The following PHC3 variants were observed in gnomAD, a reference collection of about 807,000 sequenced individuals.
PHC3 encodes polyhomeotic-like protein 3.
A neutral mutation model predicts 107.4 loss-of-function variants in PHC3; 13 were observed. The observed-to-expected ratio is 0.12, with a 90% confidence interval of 0.08 to 0.19. The LOEUF is 0.19. Ranked by LOEUF, PHC3 falls within the 10% of genes least tolerant of loss-of-function variation. The probability of loss-of-function intolerance (pLI) is 1.00; values close to 1 mark genes in which losing one functional copy is unlikely to be tolerated. For missense variants in PHC3, 992 were observed against 1,210.9 expected, an observed-to-expected ratio of 0.82 and a Z score of 2.68; for synonymous variants, 456 against 427.4, an observed-to-expected ratio of 1.07 and a Z score of -0.83.
chr3:170,162,945 T>G (rs1267531769), intron 4 of PHC3, among the ~76,000 whole-genome samples: 2 of 152,132 alleles, frequency 1.3e-5, no homozygotes, highest in African/African-American at 4.8e-5. Flanking sequence ...TCCCTGACCA[T>G]CCTAATTAAA....
At chr3:170,119,835 A>G (rs1719866061) in intron 9 of PHC3, among the ~76,000 whole-genome samples, 1 of 152,068 alleles carries the variant, frequency 6.6e-6, no homozygotes, top group Non-Finnish European at 1.5e-5. Context: ...TACTGTAAAA[A>G]AAAAAAAAAT....
intron 2 of PHC3, among the ~76,000 whole-genome samples, chr3:170,175,747 G>A (rs1273601): frequency 0.91 from 138,744 of 151,844 alleles, 63,421 homozygotes; most frequent in South Asian, 0.95. Flanking sequence ...ACATGGTGAA[G>A]CCCCATCTCT....
Position 170,095,776 on chromosome 3 carries a change from C to A in PHC3, c.*1454G>T, listed in dbSNP as rs1714572488. 6.6e-6 allele frequency: 1 copy of A among 152,140 alleles called. No homozygotes were observed. Among genetic ancestry groups the A allele is most frequent in the Non-Finnish European group, 1.5e-5 (1 of 68,020 alleles). 9.4% of individuals were successfully genotyped at this position (152,140 alleles called of 1,614,324 possible). The stretch of plus-strand genomic sequence containing the variant: ...ATAAAGCTTTCAGGGCTTCCACAAA[C>A]AATTTTGTTTTAGTGTCATAATTCT... On this transcript the variant is annotated 3_prime_UTR_variant, in exon 15 of 15. Coordinates refer to ENST00000495893, the MANE Select transcript of PHC3 (RefSeq NM_024947.4).
intron 4 of PHC3, among the ~76,000 whole-genome samples, chr3:170,150,918 AAAT>A (rs1406720153): frequency 6.6e-6 from 1 of 151,888 alleles, no homozygotes; most frequent in Non-Finnish European, 1.5e-5. Context: ...TTTTAAAAAT[AAAT>A]AATATTTTTG....
intron 8 of PHC3, among the ~76,000 whole-genome samples, chr3:170,128,131 T>A (rs1281035475): frequency 6.6e-6 from 1 of 152,138 alleles, no homozygotes; most frequent in African/African-American, 2.4e-5. Context: ...CTGGACTCTC[T>A]CCTAGAATAA....
At chr3:170,161,761 C>A (rs541507046) in intron 4 of PHC3, among the ~76,000 whole-genome samples, 1 of 152,320 alleles carries the variant, frequency 6.6e-6, no homozygotes, top group South Asian at 2.1e-4. Flanking sequence ...CTGGTGTGGG[C>A]TCTCCTCCTG....
chr3:170,156,485 G>A (rs1726921604), intron 4 of PHC3, among the ~76,000 whole-genome samples: 1 of 151,968 alleles, frequency 6.6e-6, no homozygotes, highest in Non-Finnish European at 1.5e-5. Flanking sequence ...CTCCTGACCT[G>A]AAGTGATCTA....
rs559864795 is a variant in PHC3, at chr3:170,153,379, T to C, written c.415-4135A>G. Among the ~76,000 whole-genome samples, 11 of 152,316 alleles carry C rather than the reference T, an allele frequency of 7.2e-5. 1 individual carries two copies. The highest frequency in any genetic ancestry group is 6.2e-4 in the South Asian group (3 of 4,830). ...GTCATTTCTGGCTTGATTACTTTAA[T>C]ATCTGCAAACTGATACCTCTTACTG... On this transcript the variant is annotated intron_variant, in intron 4 of 14. Coordinates refer to ENST00000495893, the MANE Select transcript of PHC3 (RefSeq NM_024947.4).
Position 170,097,219 on chromosome 3 carries a change from T to G in PHC3, c.*11A>C, listed in dbSNP as rs1714735254. The G allele has an allele frequency of 6.3e-7, 1 of 1,593,650 alleles. No individual in the cohort carries two copies. On this transcript the variant is annotated 3_prime_UTR_variant, in exon 15 of 15. Coordinates refer to ENST00000495893, the MANE Select transcript of PHC3 (RefSeq NM_024947.4). This position sits in a 1 kb window ranked among gnomAD's most constrained non-coding sequence, Gnocchi z 4.1. ...GTAAAACTGCTGTTTTATCAAGGCT[T>G]CATGTTCCTGTTAAGATTCCTTCAG...
In PHC3 at chr3:170,090,406, G is replaced by GT. The variant is rs1401378330; in HGVS notation, c.*6823dup. On this transcript the variant is annotated 3_prime_UTR_variant, in exon 15 of 15. Coordinates refer to ENST00000495893, the MANE Select transcript of PHC3 (RefSeq NM_024947.4). ...GTCATGTTCACCAAACACTGCACAT[G>GT]TAAGTGTTCAAATAGTTTGCTAAAT... The GT allele has an allele frequency of 4.6e-5, 7 of 152,094 alleles. No individual in the cohort carries two copies. The highest frequency in any genetic ancestry group is 1.3e-4 in the Admixed American group (2 of 15,274). 9.4% of individuals were successfully genotyped at this position (152,094 alleles called of 1,614,324 possible). A position where few individuals can be genotyped will look rare whatever the true frequency, so the allele number is the denominator to read the frequency against.
intron 7 of PHC3, among the ~76,000 whole-genome samples, chr3:170,135,799 G>C (rs577472923): frequency 1.2e-4 from 19 of 152,232 alleles, no homozygotes; most frequent in African/African-American, 4.6e-4. Context: ...ATGAACAGAA[G>C]AGACAGTAAG....
chr3:170,132,452 G>A (rs1483836090), intron 7 of PHC3, among the ~76,000 whole-genome samples: 1 of 152,216 alleles, frequency 6.6e-6, no homozygotes, highest in African/African-American at 2.4e-5. Flanking sequence ...AACTCCCAAT[G>A]TGTATTTGTA....
chr3:170,122,703 T>G lies in PHC3; in HGVS notation c.1830A>C (p.Glu610Asp). The G allele has an allele frequency of 6.2e-7, 1 of 1,613,984 alleles. No individual in the cohort carries two copies. Residue 610 changes from glutamate to aspartate, a missense_variant, in exon 9 of 15, where the codon GAA becomes GAC. Physicochemically the swap from Glu to Asp is conservative, Grantham distance 45. Coordinates refer to ENST00000495893, the MANE Select transcript of PHC3 (RefSeq NM_024947.4). ...CCATCCGGACACATTCATCTGACTC[T>G]TCTGGCATTTCTTCTTCACACACAT... ...VEDVCEEEMP[E>D]ESDECVRMDR... is the part of the protein sequence containing the mutation.
At chr3:170,122,558 G>C (rs1407443939) in intron 9 of PHC3, 33 bp downstream of exon 9, 4 of 1,605,972 alleles carry the variant, frequency 2.5e-6, no homozygotes, top group Non-Finnish European at 3.4e-6. Flanking sequence ...TTATCAAATA[G>C]AAAAATTCCC....
intron 8 of PHC3, among the ~76,000 whole-genome samples, chr3:170,126,753 C>A (rs893942705): frequency 1.3e-5 from 2 of 151,614 alleles, no homozygotes; most frequent in African/African-American, 4.8e-5. Flanking sequence ...GTTGGCCAGG[C>A]TGGTCTTGAA....
At chr3:170,109,615 G>A (rs1283304728) in intron 11 of PHC3, among the ~76,000 whole-genome samples, 1 of 152,130 alleles carries the variant, frequency 6.6e-6, no homozygotes, top group Non-Finnish European at 1.5e-5. Flanking sequence ...GGCATGAGGG[G>A]AAGTTATTTT....
chr3:170,132,367 C>T (rs1192769031), intron 7 of PHC3, among the ~76,000 whole-genome samples: 2 of 152,104 alleles, frequency 1.3e-5, no homozygotes, highest in Non-Finnish European at 2.9e-5. Flanking sequence ...CTAAAAGAAC[C>T]TATGATCCTA....
rs890256928 is a variant in PHC3, at chr3:170,134,777, C to T, written c.919+1642G>A. ...TTAATGTAAAGTACTAACACAGTGC[C>T]TCACACATACATAAATGCCCAATAT... On this transcript the variant is annotated intron_variant, in intron 7 of 14. Coordinates refer to ENST00000495893, the MANE Select transcript of PHC3 (RefSeq NM_024947.4). Among the ~76,000 whole-genome samples the T allele has an allele frequency of 3.9e-5, 6 of 152,176 alleles. No individual in the cohort carries two copies. In the South Asian group the frequency reaches 1.0e-3, roughly 26 times the overall value.
chr3:170,122,466 A>T, intron 9 of PHC3, 125 bp downstream of exon 9: 1 of 946,008 alleles, frequency 1.1e-6, no homozygotes, highest in Non-Finnish European at 1.6e-6. Context: ...AGCCAGCTGT[A>T]ATGGTGTGCA....
Sources: gnomAD v4.1 joint callset for allele counts (sites outside exome capture counted in the v4.1 genomes callset) on GRCh38, gnomAD v4.1.1 for gene constraint, Gnocchi (gnomAD v3.1) non-coding constraint, MANE v1.5 for transcripts, NCBI Gene and HGNC (gene_info 2026-07-23, HGNC 2026-07-21) for gene names.